CDH8: variants seen among roughly 807,000 people sequenced by gnomAD.
CDH8 encodes cadherin-8.
Under a neutral mutation model 68.1 loss-of-function variants are expected in CDH8, and 17 were observed. The ratio of observed to expected loss-of-function variants is 0.25; its 90% confidence interval spans 0.17 to 0.37. The LOEUF (loss-of-function observed/expected upper bound fraction) is 0.37, where lower values mean the gene tolerates loss of function less well. CDH8 is among the 10% of genes least tolerant of loss of function. The pLI is 1.00. For synonymous variants in CDH8, 372 were observed against 365.1 expected, an observed-to-expected ratio of 1.02 and a Z score of -0.21; for missense variants, 763 against 999.3, an observed-to-expected ratio of 0.76 and a Z score of 3.19.
chr16:61,817,837 T>TAAGGCTCACAAATGGG, intron 6 of CDH8, 105 bp from the exon 7 acceptor site: 2 of 1,141,562 alleles, frequency 1.8e-6, no homozygotes, highest in Non-Finnish European at 2.5e-6. Context: ...TTAAACCCAT[T>TAAGGCTCACAAATGGG]TGTGAGCCTT....
At chr16:61,977,124 C>T (rs1204549821) in intron 2 of CDH8, among the ~76,000 whole-genome samples, 3 of 152,002 alleles carry the variant, frequency 2.0e-5, no homozygotes, top group Non-Finnish European at 2.9e-5. Context: ...AAGAAAAGTC[C>T]CTTTACTTCT....
At chr16:61,907,163 T>C (rs976845755) in intron 2 of CDH8, among the ~76,000 whole-genome samples, 1 of 152,144 alleles carries the variant, frequency 6.6e-6, no homozygotes. Flanking sequence ...AGTAGAAAAA[T>C]ACTCCTTTGT....
In CDH8 at chr16:61,825,198, G is replaced by T. The variant is rs1188755009; in HGVS notation, c.668-19C>A. 1 of 1,593,376 alleles carries T rather than the reference G, an allele frequency of 6.3e-7. No individual in the cohort carries two copies. The highest frequency in any genetic ancestry group is 8.6e-7 in the Non-Finnish European group (1 of 1,169,166). On this transcript the variant is annotated intron_variant, in intron 4 of 11. Transcript: ENST00000577390. ...ATAATAGCTGAGGGGGAAAATGGAA[G>T]AATGACTTTCAGTCACAGAGCTAAT...
At chr16:62,021,054 T>G in intron 2 of CDH8, 98 bp downstream of exon 2, 3 of 1,060,864 alleles carry the variant, frequency 2.8e-6, no homozygotes, top group Non-Finnish European at 2.8e-6. Flanking sequence ...CTTGAACAAT[T>G]TACAGCTAAG....
At chr16:61,872,026 G>A (rs1339311493) in intron 3 of CDH8, among the ~76,000 whole-genome samples, 2 of 152,066 alleles carry the variant, frequency 1.3e-5, no homozygotes, top group Admixed American at 6.6e-5. Flanking sequence ...CCAAGGAGCT[G>A]TGCTTATAAT....
intron 10 of CDH8, among the ~76,000 whole-genome samples, chr16:61,678,170 T>C (rs1963948954): frequency 6.6e-6 from 1 of 152,056 alleles, no homozygotes; most frequent in Non-Finnish European, 1.5e-5. Context: ...TTGTCCCACC[T>C]TTCTGGCCTG....
intron 2 of CDH8, among the ~76,000 whole-genome samples, chr16:61,970,301 C>T (rs1965317515): frequency 6.6e-6 from 1 of 151,912 alleles, no homozygotes; most frequent in South Asian, 2.1e-4. Context: ...CAGCATGATC[C>T]AAGTGATATC....
At chr16:61,928,479 A>T (rs964450449) in intron 2 of CDH8, among the ~76,000 whole-genome samples, 2 of 152,086 alleles carry the variant, frequency 1.3e-5, no homozygotes, top group Non-Finnish European at 2.9e-5. Context: ...TGCATCTATC[A>T]TGTCCCTGCA....
chr16:61,946,293 A>G (rs1597082361), intron 2 of CDH8, among the ~76,000 whole-genome samples: 1 of 152,176 alleles, frequency 6.6e-6, no homozygotes, highest in Admixed American at 6.6e-5. Context: ...CAAAGACCCC[A>G]CAGGAAGTTT....
At chr16:61,870,382 G>A (rs1003901032) in intron 3 of CDH8, among the ~76,000 whole-genome samples, 1 of 152,126 alleles carries the variant, frequency 6.6e-6, no homozygotes. Flanking sequence ...TGTGAAGTGA[G>A]GAGCATTGGG....
chr16:61,789,440 G>A lies in CDH8; in HGVS notation c.1320C>T (p.Asn440=). 1 of 1,613,046 alleles carries A rather than the reference G, an allele frequency of 6.2e-7. No individual in the cohort carries two copies. Among genetic ancestry groups the A allele is most frequent in the Non-Finnish European group, 8.5e-7 (1 of 1,179,330 alleles). The change falls in exon 8 of 12, where the codon AAC becomes AAT. Residue 440 remains asparagine (N), a synonymous_variant. Transcript: ENST00000577390. ...TTATCTTCCCATCGTCTGCATTAAT[G>A]TTGAACTGCCTCTCCAGGTCAGTGT... ...DRHTDLERQF[N]INADDGKITL...
At position 61,657,061 on chromosome 16, in the gene CDH8, T is replaced by G. The variant is rs998001884; in HGVS notation, c.1655-1340A>C. ...TTTGGGCAAAATAATTATTTGTTTT[T>G]TTTTTTTCAAATATTGGCCAATTAT... On this transcript the variant is annotated intron_variant, in intron 10 of 11. Coordinates refer to ENST00000577390, the MANE Select transcript of CDH8 (RefSeq NM_001796.5). Among the ~76,000 whole-genome samples, 2 of 152,034 alleles carry G rather than the reference T, an allele frequency of 1.3e-5. 1 individual carries two copies. Among genetic ancestry groups the G allele is most frequent in the Admixed American group, 1.3e-4 (2 of 15,264 alleles).
In CDH8 at chr16:61,700,438, G is replaced by A. The variant is rs921898897; in HGVS notation, c.1654+13403C>T. On this transcript the variant is annotated intron_variant, in intron 10 of 11. Transcript: ENST00000577390. ...TGGGACTACAGACACGTGCCACAAC[G>A]CCCAGGTAATTTTTGTATTTTTAGT... Among the ~76,000 whole-genome samples the A allele has an allele frequency of 2.0e-4, 31 of 151,838 alleles. 1 individual carries two copies. The highest frequency in any genetic ancestry group is 3.7e-4 in the Non-Finnish European group (25 of 67,944).
intron 2 of CDH8, among the ~76,000 whole-genome samples, chr16:61,953,776 G>A (rs893873353): frequency 6.6e-6 from 1 of 151,134 alleles, no homozygotes; most frequent in African/African-American, 2.4e-5. Flanking sequence ...GGCTGAGGCG[G>A]GAGAATCGCT....
chr16:61,713,067 T>TA (rs1191493856), intron 10 of CDH8, among the ~76,000 whole-genome samples: 1 of 151,640 alleles, frequency 6.6e-6, no homozygotes, highest in Non-Finnish European at 1.5e-5. Flanking sequence ...CTAATCATTC[T>TA]AAAACAGCTA....
chr16:61,791,162 T>A (rs1364994433), intron 7 of CDH8, among the ~76,000 whole-genome samples: 1 of 151,974 alleles, frequency 6.6e-6, no homozygotes, highest in Non-Finnish European at 1.5e-5. Context: ...AGACACTGAC[T>A]TTTACCTGTA....
chr16:61,737,766 C>T (rs1243898540), intron 8 of CDH8, among the ~76,000 whole-genome samples: 2 of 152,056 alleles, frequency 1.3e-5, no homozygotes, highest in African/African-American at 2.4e-5. Flanking sequence ...ATTCCCCTTT[C>T]TCTGTTATGG....
chr16:61,836,860 C>T (rs1391323002), intron 4 of CDH8, among the ~76,000 whole-genome samples: 1 of 151,986 alleles, frequency 6.6e-6, no homozygotes, highest in Admixed American at 6.6e-5. Flanking sequence ...TGTTCAAGTA[C>T]TGAGCGGAGT....
At chr16:61,911,875 T>A (rs1252882528) in intron 2 of CDH8, among the ~76,000 whole-genome samples, 1 of 151,962 alleles carries the variant, frequency 6.6e-6, no homozygotes, top group Non-Finnish European at 1.5e-5. Context: ...ATAAAACAGA[T>A]ATTCAGAAAA....
Sources: gnomAD v4.1 joint callset for allele counts (sites outside exome capture counted in the v4.1 genomes callset) on GRCh38, gnomAD v4.1.1 for gene constraint, MANE v1.5 for transcripts, NCBI Gene and HGNC (gene_info 2026-07-23, HGNC 2026-07-21) for gene names.